The following RBBP5 variants were observed in gnomAD, a reference collection of about 807,000 sequenced individuals.
RBBP5 encodes the protein RB binding protein 5, histone lysine methyltransferase complex subunit.
RBBP5 carries 5 observed loss-of-function variants against 72.2 expected under a neutral mutation model. That is an observed-to-expected ratio of 0.07 (90% CI 0.04 to 0.15). The LOEUF is 0.15. RBBP5 is among the 10% of genes least tolerant of loss of function. The pLI is 1.00. For missense variants in RBBP5, 322 were observed against 652.2 expected (o/e 0.49, Z 5.51); for synonymous variants, 209 against 237.2 (o/e 0.88, Z 1.09).
At chr1:205,094,580 G>A (rs974479597) in intron 13 of RBBP5, among the ~76,000 whole-genome samples, 1 of 152,196 alleles carries the variant, frequency 6.6e-6, no homozygotes, top group Non-Finnish European at 1.5e-5. Context: ...ACAGGAATCT[G>A]AGGAAAGCTA....
chr1:205,112,680 G>C (rs1249765376), intron 3 of RBBP5, among the ~76,000 whole-genome samples: 1 of 152,000 alleles, frequency 6.6e-6, no homozygotes, highest in Admixed American at 6.6e-5. Context: ...AACAGAAAAT[G>C]GTTAAGTAAA....
chr1:205,118,804 A>G (rs1656626972), intron 1 of RBBP5, among the ~76,000 whole-genome samples: 1 of 152,208 alleles, frequency 6.6e-6, no homozygotes, highest in Admixed American at 6.5e-5. Flanking sequence ...ATCTTATTTA[A>G]TTATATCTCC....
chr1:205,117,698 A>C (rs1296637284), intron 1 of RBBP5, among the ~76,000 whole-genome samples: 1 of 151,942 alleles, frequency 6.6e-6, no homozygotes, highest in Non-Finnish European at 1.5e-5. Flanking sequence ...AAAATAAACA[A>C]ATGTATGTGT....
At position 205,096,704 on chromosome 1, in the gene RBBP5, T is replaced by C. The variant is rs1655632587; in HGVS notation, c.1374A>G (p.Glu458=). The change falls in exon 12 of 14, where the codon GAA becomes GAG. Residue 458 remains glutamate, a synonymous_variant. Transcript: ENST00000264515. The stretch of plus-strand genomic sequence containing the variant: ...TACCATCATTTGGTACTCCTTGAAG[T>C]TCTATATTGGTTGTTTTGGGTTTCT... The part of the protein sequence containing the change: ...PKKKPKTTNI[E]LQGVPNDEVH... The C allele has an allele frequency of 6.2e-7, 1 of 1,613,850 alleles. No individual in the cohort carries two copies. The highest frequency in any genetic ancestry group is 1.3e-5 in the African/African-American group (1 of 74,878).
intron 5 of RBBP5, among the ~76,000 whole-genome samples, 199 bp downstream of exon 5, chr1:205,103,658 T>C (rs564735815): frequency 4.6e-5 from 7 of 152,222 alleles, no homozygotes; most frequent in African/African-American, 7.2e-5. Flanking sequence ...CATGCTTTTC[T>C]AGGTCAAATA....
chr1:205,099,850 G>A lies in RBBP5; in HGVS notation c.907-38C>T. Reference sequence around the variant, plus strand: ...GAAGGAAAGAAAAACAGGTTGTTAAGAACAGATTTTAGATTTTTTGGATTA... The same window carrying A: ...GAAGGAAAGAAAAACAGGTTGTTAAAAACAGATTTTAGATTTTTTGGATTA... On this transcript the variant is annotated intron_variant, in intron 8 of 13. Coordinates refer to ENST00000264515, the MANE Select transcript of RBBP5 (RefSeq NM_005057.4). The surrounding 1 kb of genome is among the most constrained non-coding windows in gnomAD (Gnocchi z 4.7). The A allele has an allele frequency of 6.2e-7, 1 of 1,613,456 alleles. No individual in the cohort carries two copies. Among genetic ancestry groups the A allele is most frequent in the Admixed American group, 1.7e-5 (1 of 59,948 alleles).
intron 3 of RBBP5, among the ~76,000 whole-genome samples, chr1:205,111,208 C>T (rs1656300867): frequency 1.3e-5 from 2 of 152,226 alleles, no homozygotes; most frequent in African/African-American, 4.8e-5. Flanking sequence ...TGGAAGTCTA[C>T]TGTAATGAGA....
intron 13 of RBBP5, among the ~76,000 whole-genome samples, chr1:205,089,954 C>G (rs1257239635): frequency 6.6e-6 from 1 of 152,150 alleles, no homozygotes; most frequent in Admixed American, 6.5e-5. Context: ...TGGGTTCAAA[C>G]GATTCTCCTG....
chr1:205,104,834 T>C (rs191182883), intron 4 of RBBP5, among the ~76,000 whole-genome samples, 194 bp downstream of exon 4: 83 of 151,862 alleles, frequency 5.5e-4, no homozygotes, highest in African/African-American at 1.8e-3. Flanking sequence ...CAGGACTCTG[T>C]CTCAAAAAAA....
chr1:205,086,639 A>G lies in RBBP5; in HGVS notation c.*2148T>C, dbSNP rs553764748. 15 of 152,362 alleles carry G rather than the reference A, an allele frequency of 9.8e-5. 1 individual carries two copies. Among genetic ancestry groups the G allele is most frequent in the Middle Eastern group, 3.4e-3 (1 of 294 alleles). 9.4% of individuals were successfully genotyped at this position (152,362 alleles called of 1,614,324 possible). On this transcript the variant is annotated 3_prime_UTR_variant, in exon 14 of 14. Transcript: ENST00000264515. ...TGTACAAATCAAATAATTCAAATTG[A>G]AATGGATAGAAGGTTTTTTAAAAGT...
chr1:205,093,138 C>T (rs1288717573), intron 13 of RBBP5, among the ~76,000 whole-genome samples: 1 of 151,900 alleles, frequency 6.6e-6, no homozygotes, highest in Non-Finnish European at 1.5e-5. Flanking sequence ...GTTGGCAATG[C>T]CCACGACTGC....
Position 205,088,724 on chromosome 1 carries a change from G to T in RBBP5, c.*63C>A. On this transcript the variant is annotated 3_prime_UTR_variant, in exon 14 of 14. Transcript: ENST00000264515. ...AATTAAAGTCAATTTTCAAATGACT[G>T]ACCACAGTGTCCAGAGGCCACATGA... The T allele has an allele frequency of 1.3e-6, 2 of 1,501,522 alleles. No individual in the cohort carries two copies. Among genetic ancestry groups the T allele is most frequent in the South Asian group, 2.4e-5 (2 of 84,500 alleles). The allele number at this position is 1,501,522 out of a possible 1,614,324, so 93.0% of individuals were successfully genotyped here. A position where few individuals can be genotyped will look rare whatever the true frequency, so the allele number is the denominator to read the frequency against.
In RBBP5 at chr1:205,114,931, T is replaced by G. The variant is rs370754730; in HGVS notation, c.76A>C (p.Met26Leu). 1 of 1,595,318 alleles carries G rather than the reference T, an allele frequency of 6.3e-7. No homozygotes were observed. Among genetic ancestry groups the G allele is most frequent in the South Asian group, 1.1e-5 (1 of 88,422 alleles). Reference sequence around the variant, plus strand: ...CTGTTAAAGGTGCAAGTCAAAGCCATGCTGATACAATCCAAAGTTCCATCA... The same window carrying G: ...CTGTTAAAGGTGCAAGTCAAAGCCAGGCTGATACAATCCAAAGTTCCATCA... ...EADGTLDCIS[M>L]ALTCTFNRWG... Residue 26 changes from methionine (M) to leucine (L), a missense_variant, in exon 3 of 14, where the codon ATG becomes CTG. By Grantham distance (15) the Met-to-Leu change is conservative. Coordinates refer to ENST00000264515, the MANE Select transcript of RBBP5 (RefSeq NM_005057.4).
chr1:205,101,978 C>T (rs1655847537), intron 5 of RBBP5, among the ~76,000 whole-genome samples: 1 of 150,280 alleles, frequency 6.7e-6, no homozygotes, highest in Non-Finnish European at 1.5e-5. Context: ...CTCACTGCAA[C>T]CTCTGCCTCC....
At chr1:205,117,427 G>GGTCA (rs1558583321) in intron 1 of RBBP5, among the ~76,000 whole-genome samples, 1 of 151,712 alleles carries the variant, frequency 6.6e-6, no homozygotes, top group African/African-American at 2.4e-5. Flanking sequence ...TTGGGAAGCT[G>GGTCA]AGGCAGGTGG....
At position 205,115,993 on chromosome 1, in the gene RBBP5, T is replaced by A. The variant is rs539340461; in HGVS notation, c.20-110A>T. The A allele has an allele frequency of 3.7e-6, 6 of 1,608,826 alleles. No homozygotes were observed. The South Asian group carries it at 5.5e-5, about 15-fold the overall frequency. Reference sequence around the variant, plus strand: ...TGACAAAACGAAAAGGGGGATATGATGCCCTTTCAGGCATTCCATGAGGCC... The same window carrying A: ...TGACAAAACGAAAAGGGGGATATGAAGCCCTTTCAGGCATTCCATGAGGCC... On this transcript the variant is annotated intron_variant, in intron 1 of 13. Coordinates refer to ENST00000264515, the MANE Select transcript of RBBP5 (RefSeq NM_005057.4).
intron 3 of RBBP5, among the ~76,000 whole-genome samples, chr1:205,109,237 G>A (rs1251170485): frequency 1.3e-5 from 2 of 152,130 alleles, no homozygotes; most frequent in Admixed American, 1.3e-4. Context: ...ATAGCTGGAT[G>A]ATGATGATGA....
intron 4 of RBBP5, among the ~76,000 whole-genome samples, chr1:205,104,222 C>A (rs1457457859): frequency 1.3e-5 from 2 of 152,130 alleles, no homozygotes; most frequent in African/African-American, 2.4e-5. Flanking sequence ...AAAACATGAT[C>A]ATTAAAAAAA....
At chr1:205,093,525 TATATATATACACAC>T (rs1655477646) in intron 13 of RBBP5, among the ~76,000 whole-genome samples, 6 of 14,128 alleles carry the variant, frequency 4.2e-4, no homozygotes, top group African/African-American at 2.9e-3. Context: ...TATATATATA[TATATATATACACAC>T]ACACACACAC....
Sources: gnomAD v4.1 joint callset for allele counts (sites outside exome capture counted in the v4.1 genomes callset) on GRCh38, gnomAD v4.1.1 for gene constraint, Gnocchi (gnomAD v3.1) non-coding constraint, MANE v1.5 for transcripts, NCBI Gene and HGNC (gene_info 2026-07-23, HGNC 2026-07-21) for gene names.